The following B9D1 variants were observed in gnomAD, a reference collection of about 807,000 sequenced individuals.
B9D1 encodes the protein B9 domain-containing protein 1.
Under a neutral mutation model 26.1 loss-of-function variants are expected in B9D1, and 20 were observed. The observed-to-expected ratio is 0.77, with a 90% confidence interval of 0.54 to 1.12. The LOEUF (loss-of-function observed/expected upper bound fraction) is 1.12. Among genes scored for constraint, B9D1 ranks in the 50% most tolerant of loss-of-function variants. B9D1 has a pLI of 0.00. For missense variants in B9D1, 260 were observed against 273.7 expected (o/e 0.95, Z 0.35); for synonymous variants, 105 against 103.1 (o/e 1.02, Z -0.11).
chr17:19,337,709 T>G (rs1435185593), downstream of B9D1: 1 of 1,534,108 alleles, frequency 6.5e-7, no homozygotes, highest in East Asian at 2.4e-5. Flanking sequence ...CGCTTTCATC[T>G]TGAAACACTG....
chr17:19,366,552 A>G (rs910226773), upstream of B9D1, among the ~76,000 whole-genome samples: 2 of 152,078 alleles, frequency 1.3e-5, no homozygotes, highest in African/African-American at 4.8e-5. Context: ...CCTTTTACAG[A>G]TGGGGAAGTC....
At chr17:19,362,753 G>A, upstream of B9D1, 1 of 1,506,764 alleles carries the variant, frequency 6.6e-7, no homozygotes, top group Non-Finnish European at 8.9e-7. Context: ...GCCGTTATAA[G>A]GGGGCGGGGC....
At chr17:19,341,903 G>C (rs1908009707), downstream of B9D1, among the ~76,000 whole-genome samples, 1 of 152,224 alleles carries the variant, frequency 6.6e-6, no homozygotes, top group African/African-American at 2.4e-5. Context: ...AAGGGGCTGG[G>C]CCAGGAGCTT....
chr17:19,348,434 G>A lies in B9D1; in HGVS notation c.245-554C>T, dbSNP rs78399625. ...GAGGCGCATGAGGCACTTTCACCTCGCCAGTTTCAGGTGAGGCCCAGGGAG... is the reference window on the plus strand; with the variant it reads ...GAGGCGCATGAGGCACTTTCACCTCACCAGTTTCAGGTGAGGCCCAGGGAG... On this transcript the variant is annotated intron_variant, in intron 3 of 6. Transcript: ENST00000261499. Among the ~76,000 whole-genome samples the A allele has an allele frequency of 6.5e-3, 997 of 152,262 alleles. 53 individuals are homozygous for A. In the East Asian group the frequency reaches 0.12, roughly 18 times the overall value.
intron 3 of B9D1, among the ~76,000 whole-genome samples, chr17:19,357,103 G>A (rs1446984046): frequency 6.6e-6 from 1 of 152,246 alleles, no homozygotes; most frequent in Non-Finnish European, 1.5e-5. Flanking sequence ...GTCACTAGAT[G>A]TAAAGCAGAA....
At chr17:19,369,455 A>G (rs1034413988) in intron 1 of B9D1, among the ~76,000 whole-genome samples, 1 of 151,980 alleles carries the variant, frequency 6.6e-6, no homozygotes, top group Non-Finnish European at 1.5e-5. Context: ...TTTATATTTT[A>G]TTTTTTCTCA....
intron 3 of B9D1, among the ~76,000 whole-genome samples, chr17:19,356,807 T>C (rs946874666): frequency 2.6e-5 from 4 of 152,206 alleles, no homozygotes; most frequent in African/African-American, 9.6e-5. Context: ...TCTGAGGTAG[T>C]TGCTTTTTGT....
At chr17:19,377,341 G>T (rs201169993) in intron 1 of B9D1, among the ~76,000 whole-genome samples, 1 of 152,096 alleles carries the variant, frequency 6.6e-6, no homozygotes, top group Admixed American at 6.5e-5. Flanking sequence ...AAAAAACACT[G>T]AATTGTACAC....
intron 3 of B9D1, among the ~76,000 whole-genome samples, chr17:19,354,238 T>C (rs887093478): frequency 6.6e-6 from 1 of 152,192 alleles, no homozygotes; most frequent in African/African-American, 2.4e-5. Flanking sequence ...GCTAAAAGAA[T>C]TCCAATGTAC....
chr17:19,367,308 CTTTTT>C (rs35898862), upstream of B9D1, among the ~76,000 whole-genome samples: 1 of 121,520 alleles, frequency 8.2e-6, no homozygotes. Context: ...TAAAATCAAT[CTTTTT>C]TTTTTTTTTT....
downstream of B9D1, among the ~76,000 whole-genome samples, chr17:19,338,192 G>A (rs4143829): frequency 0.56 from 85,540 of 152,220 alleles, 30,872 homozygotes; most frequent in Non-Finnish European, 0.81. Flanking sequence ...ATGGGAGACT[G>A]CCCCACAGTG....
chr17:19,348,031 G>A (rs1027895963), intron 3 of B9D1, 151 bp from the exon 4 acceptor site: 1 of 721,970 alleles, frequency 1.4e-6, no homozygotes, highest in Non-Finnish European at 2.5e-6. Context: ...GCAGGCATGG[G>A]AACCCAGACT....
chr17:19,335,695 C>T (rs2152243184), downstream of B9D1: 1 of 395,786 alleles, frequency 2.5e-6, no homozygotes, highest in Middle Eastern at 5.1e-4. Context: ...AGTTGGAGAC[C>T]TAAAAATAAT....
rs749945608 is a variant in B9D1 at position 19,343,791 on chromosome 17, T to G, written c.471A>C (p.Glu157Asp). ...PKVVAQGEGR[E>D]VTRVRSQGFV... ...GTAAGAGAGGGGAGGGAGCTTTACC[T>G]TCCCGGCCTTCACCCTGAGCCACCA... The change falls in exon 6 of 7, where the codon GAA becomes GAC. Residue 157 changes from glutamate (E) to aspartate (D), a missense_variant and splice_region_variant. By Grantham distance (45) the Glu-to-Asp change is conservative (BLOSUM62 2). Coordinates refer to ENST00000261499, the MANE Select transcript of B9D1 (RefSeq NM_015681.6). 1.2e-6 allele frequency: 2 copies of G among 1,612,972 alleles called. No homozygotes were observed. Among genetic ancestry groups the G allele is most frequent in the Non-Finnish European group, 1.7e-6 (2 of 1,179,148 alleles).
At chr17:19,341,270 C>T, downstream of B9D1, 2 of 1,231,740 alleles carry the variant, frequency 1.6e-6, no homozygotes, top group East Asian at 3.2e-5. Flanking sequence ...AAGGCCAGTG[C>T]CCTGGGTGAG....
At chr17:19,353,302 CA>C (rs1909896657) in intron 3 of B9D1, among the ~76,000 whole-genome samples, 1 of 151,978 alleles carries the variant, frequency 6.6e-6, no homozygotes, top group East Asian at 1.9e-4. Context: ...ATGCTGAAAT[CA>C]TTAATTTTTC....
intron 1 of B9D1, among the ~76,000 whole-genome samples, chr17:19,375,856 G>A (rs1001975579): frequency 4.6e-5 from 7 of 152,204 alleles, no homozygotes; most frequent in Non-Finnish European, 5.9e-5. Flanking sequence ...ACTTTCTCAA[G>A]AAGTTAATAG....
At chr17:19,357,527 C>T (rs146770357) in intron 3 of B9D1, 44 of 425,940 alleles carry the variant, frequency 1.0e-4, no homozygotes, top group African/African-American at 8.5e-4. Flanking sequence ...GTCAGGCCTC[C>T]AGGCCAAACA....
chr17:19,368,913 C>T (rs989044172), intron 1 of B9D1, among the ~76,000 whole-genome samples: 10 of 152,126 alleles, frequency 6.6e-5, no homozygotes, highest in Admixed American at 1.3e-4. Context: ...ACAGCAAGAC[C>T]CCATCTCTTA....
Sources: gnomAD v4.1 joint callset for allele counts (sites outside exome capture counted in the v4.1 genomes callset) on GRCh38, gnomAD v4.1.1 for gene constraint, MANE v1.5 for transcripts, NCBI Gene and HGNC (gene_info 2026-07-23, HGNC 2026-07-21) for gene names.